The following MYO5B variants were observed in gnomAD, a reference collection of about 807,000 sequenced individuals.
MYO5B encodes myosin VB.
MYO5B carries 143 observed loss-of-function variants against 229.3 expected under a neutral mutation model. The ratio of observed to expected loss-of-function variants is 0.62; its 90% CI spans 0.54 to 0.72. The LOEUF is 0.72. Among genes scored for constraint, MYO5B ranks in the 30% least tolerant of loss-of-function variants. MYO5B has a pLI of 0.00. For synonymous variants in MYO5B, 918 were observed against 885.2 expected (o/e 1.04, Z -0.66); for missense variants, 2,321 against 2,331.0 (o/e 1.00, Z 0.09).
intron 1 of MYO5B, among the ~76,000 whole-genome samples, chr18:50,118,553 C>CTT (rs2032004444): frequency 6.6e-6 from 1 of 151,864 alleles, no homozygotes; most frequent in East Asian, 1.9e-4. Context: ...TATTATTATA[C>CTT]TTTAAGTTTT....
chr18:49,883,770 A>C lies in MYO5B; in HGVS notation c.3046-3315T>G, dbSNP rs548131791. Reference sequence around the variant, plus strand: ...ATACAGACAGCGTGATACTGGCATAAAGACAGACATACTGATCAATGAAAC... The same window carrying C: ...ATACAGACAGCGTGATACTGGCATACAGACAGACATACTGATCAATGAAAC... On this transcript the variant is annotated intron_variant, in intron 22 of 39. Transcript: ENST00000285039. Among the ~76,000 whole-genome samples the C allele has an allele frequency of 7.2e-5, 11 of 152,360 alleles. No homozygotes were observed. In the South Asian group the frequency reaches 2.3e-3, roughly 32 times the overall value.
intron 5 of MYO5B, among the ~76,000 whole-genome samples, chr18:49,994,532 C>A (rs1190756857): frequency 3.3e-5 from 5 of 152,130 alleles, no homozygotes; most frequent in African/African-American, 1.2e-4. Context: ...GGAGAAAGTA[C>A]AACCTTGGTA....
intron 1 of MYO5B, among the ~76,000 whole-genome samples, chr18:50,117,584 A>C (rs1712272049): frequency 1.3e-5 from 2 of 152,156 alleles, no homozygotes; most frequent in African/African-American, 4.8e-5. Flanking sequence ...GGAGAATTAG[A>C]ATACCTACTT....
intron 1 of MYO5B, among the ~76,000 whole-genome samples, chr18:50,165,157 C>A (rs1599071192): frequency 6.6e-6 from 1 of 152,200 alleles, no homozygotes; most frequent in Non-Finnish European, 1.5e-5. Context: ...ATGCATCTAC[C>A]AGAATGCCAC....
intron 18 of MYO5B, among the ~76,000 whole-genome samples, chr18:49,911,109 A>G (rs1379157275): frequency 6.6e-6 from 1 of 152,244 alleles, no homozygotes; most frequent in African/African-American, 2.4e-5. Context: ...TGATGCAACC[A>G]GCTAGATGCA....
At chr18:50,012,134 G>C (rs780175483) in intron 4 of MYO5B, among the ~76,000 whole-genome samples, 1 of 152,148 alleles carries the variant, frequency 6.6e-6, no homozygotes, top group Non-Finnish European at 1.5e-5. Flanking sequence ...ATCTCTGAGG[G>C]GTGAGGCCCA....
intron 1 of MYO5B, among the ~76,000 whole-genome samples, chr18:50,106,684 C>T (rs1047624704): frequency 6.6e-6 from 1 of 152,248 alleles, no homozygotes; most frequent in African/African-American, 2.4e-5. Flanking sequence ...CTCCCGAGGC[C>T]TGGGGCATGT....
At chr18:50,114,103 G>A (rs940096505) in intron 1 of MYO5B, among the ~76,000 whole-genome samples, 21 of 152,232 alleles carry the variant, frequency 1.4e-4, no homozygotes, top group African/African-American at 4.8e-4. Flanking sequence ...TTGGCTTAAT[G>A]TCGGCCCTGT....
chr18:50,129,056 C>A lies in MYO5B; in HGVS notation c.27+65711G>T, dbSNP rs573128098. Among the ~76,000 whole-genome samples the A allele has an allele frequency of 3.0e-4, 45 of 152,318 alleles. No individual in the cohort carries two copies. The Middle Eastern group carries it at 0.01, about 35-fold the overall frequency. On this transcript the variant is annotated intron_variant, in intron 1 of 39. Transcript: ENST00000285039. ...ACTGCTTAATGCAGGGCTGTCAGAG[C>A]CGGCTCAGGAGAATGAGGTGGCAGG...
At chr18:49,857,900 C>T (rs1458937141) in intron 29 of MYO5B, among the ~76,000 whole-genome samples, 1 of 152,220 alleles carries the variant, frequency 6.6e-6, no homozygotes, top group Non-Finnish European at 1.5e-5. Context: ...CCGCACCTCC[C>T]TGCTCCTAAC....
At chr18:49,940,579 G>A (rs561580542) in intron 14 of MYO5B, among the ~76,000 whole-genome samples, 7 of 152,304 alleles carry the variant, frequency 4.6e-5, no homozygotes, top group African/African-American at 1.4e-4. Flanking sequence ...CCCAGGTCAC[G>A]TCCAAGGAGA....
intron 14 of MYO5B, among the ~76,000 whole-genome samples, chr18:49,943,247 A>G (rs1044445319): frequency 2.0e-5 from 3 of 150,662 alleles, no homozygotes; most frequent in Admixed American, 6.6e-5. Context: ...GGATAGCATT[A>G]GGAGATATAC....
At chr18:50,021,582 T>A (rs2026275264) in intron 4 of MYO5B, among the ~76,000 whole-genome samples, 1 of 151,970 alleles carries the variant, frequency 6.6e-6, no homozygotes, top group South Asian at 2.1e-4. Flanking sequence ...TAAAGATCAG[T>A]TTGGGTGTCA....
At chr18:50,061,296 G>A (rs963471899) in intron 1 of MYO5B, among the ~76,000 whole-genome samples, 2 of 152,068 alleles carry the variant, frequency 1.3e-5, no homozygotes, top group South Asian at 2.1e-4. Flanking sequence ...TACCTACCTC[G>A]TGAAGTGTTC....
intron 20 of MYO5B, 86 bp downstream of exon 20, chr18:49,904,586 G>C (rs2024877962): frequency 6.4e-7 from 1 of 1,559,080 alleles, no homozygotes; most frequent in African/African-American, 1.4e-5. Flanking sequence ...GGGAGTGCTT[G>C]ACAGAGGTTC....
chr18:49,864,436 T>A (rs2024373088), intron 27 of MYO5B, 56 bp from the exon 28 acceptor site: 2 of 1,596,998 alleles, frequency 1.3e-6, no homozygotes, highest in African/African-American at 1.3e-5. Context: ...GCTCTCTCCC[T>A]GTGTGGGCCT....
chr18:49,880,467 C>T lies in MYO5B; in HGVS notation c.3046-12G>A. 1.2e-6 allele frequency: 2 copies of T among 1,608,374 alleles called. No homozygotes were observed. Among genetic ancestry groups the T allele is most frequent in the Non-Finnish European group, 1.7e-6 (2 of 1,174,900 alleles). On this transcript the variant is annotated splice_polypyrimidine_tract_variant and intron_variant, in intron 22 of 39. Coordinates refer to ENST00000285039, the MANE Select transcript of MYO5B (RefSeq NM_001080467.3). ...AGGTCTGCAACTCGCTGGAAGAGAG[C>T]AATAGGGGAAAAATGTCTCATGATG...
At chr18:50,040,019 T>C (rs1598972629) in intron 3 of MYO5B, 124 bp downstream of exon 3, 2 of 1,087,856 alleles carry the variant, frequency 1.8e-6, no homozygotes, top group East Asian at 4.7e-5. Flanking sequence ...CTTTCAAGGG[T>C]CTCAGTGGAG....
chr18:50,105,210 A>C (rs1368727886), intron 1 of MYO5B, among the ~76,000 whole-genome samples: 1 of 79,170 alleles, frequency 1.3e-5, no homozygotes, highest in Non-Finnish European at 2.7e-5. Flanking sequence ...GGTAAAAATA[A>C]ATAAATAAAT....
Sources: gnomAD v4.1 joint callset for allele counts (sites outside exome capture counted in the v4.1 genomes callset) on GRCh38, gnomAD v4.1.1 for gene constraint, MANE v1.5 for transcripts, NCBI Gene and HGNC (gene_info 2026-07-23, HGNC 2026-07-21) for gene names.